Variants in SYT1 observed in about 807,000 individuals in gnomAD.
The protein encoded by SYT1 is synaptotagmin-1.
SYT1 carries 8 observed loss-of-function variants against 44.8 expected under a neutral mutation model. That is an observed-to-expected ratio of 0.18 (90% CI 0.10 to 0.32). The LOEUF is 0.32. Ranked by LOEUF, SYT1 falls within the 10% of genes least tolerant of loss-of-function variation. SYT1 has a pLI of 1.00. For missense variants in SYT1, 286 were observed against 509.3 expected (o/e 0.56, Z 4.22); for synonymous variants, 154 against 188.8 (o/e 0.82, Z 1.51).
At chr12:79,241,772 C>A (rs568075731) in intron 4 of SYT1, among the ~76,000 whole-genome samples, 12 of 152,278 alleles carry the variant, frequency 7.9e-5, no homozygotes, top group East Asian at 5.8e-4. Flanking sequence ...CAAGTCCTAA[C>A]CCTTGGTACC....
chr12:79,040,182 C>T (rs1020795027), intron 2 of SYT1, among the ~76,000 whole-genome samples: 8 of 151,728 alleles, frequency 5.3e-5, no homozygotes, highest in African/African-American at 1.7e-4. Flanking sequence ...GTTCCAGATC[C>T]CTGAGGAATC....
intron 3 of SYT1, among the ~76,000 whole-genome samples, chr12:79,137,439 A>G (rs567864167): frequency 6.6e-6 from 1 of 152,238 alleles, no homozygotes; most frequent in South Asian, 2.1e-4. Flanking sequence ...TATCTCATTA[A>G]TACTCACAAC....
intron 4 of SYT1, among the ~76,000 whole-genome samples, chr12:79,221,926 T>C (rs961818987): frequency 6.6e-6 from 1 of 152,160 alleles, no homozygotes; most frequent in Non-Finnish European, 1.5e-5. Context: ...GTGTTAATCA[T>C]TAGCAACTTT....
intron 3 of SYT1, among the ~76,000 whole-genome samples, chr12:79,195,798 G>A (rs1873417197): frequency 6.6e-6 from 1 of 152,150 alleles, no homozygotes; most frequent in Non-Finnish European, 1.5e-5. Context: ...AAGAAAGTAT[G>A]ACAATCAAAT....
At chr12:79,123,283 C>A (rs1420488600) in intron 3 of SYT1, among the ~76,000 whole-genome samples, 2 of 146,034 alleles carry the variant, frequency 1.4e-5, no homozygotes, top group Non-Finnish European at 3.0e-5. Flanking sequence ...CGGTAACACT[C>A]TGTTACATGT....
chr12:79,055,828 A>G (rs1874890976), intron 3 of SYT1, among the ~76,000 whole-genome samples: 1 of 151,956 alleles, frequency 6.6e-6, no homozygotes, highest in South Asian at 2.1e-4. Context: ...TTTTCTTTCA[A>G]ATTTATTTAT....
At chr12:79,030,518 AT>A (rs1872766990) in intron 2 of SYT1, among the ~76,000 whole-genome samples, 1 of 151,010 alleles carries the variant, frequency 6.6e-6, no homozygotes, top group Non-Finnish European at 1.5e-5. Context: ...TTGAGCTCTA[AT>A]TTGTATGCAT....
intron 3 of SYT1, among the ~76,000 whole-genome samples, chr12:79,057,760 T>G (rs919623827): frequency 6.6e-6 from 1 of 151,968 alleles, no homozygotes; most frequent in African/African-American, 2.4e-5. Context: ...CTGTTTCTGG[T>G]TGGGCCAGTA....
At chr12:79,353,180 G>T (rs958648624) in intron 8 of SYT1, among the ~76,000 whole-genome samples, 2 of 152,114 alleles carry the variant, frequency 1.3e-5, no homozygotes, top group Non-Finnish European at 2.9e-5. Context: ...GAGTTTTGCA[G>T]TGCTATTCAG....
rs561770147 is a variant in SYT1, at chr12:79,382,421, A to G, written c.928+28802A>G. Among the ~76,000 whole-genome samples, 83 of 152,184 alleles carry G rather than the reference A, an allele frequency of 5.5e-4. 1 individual carries two copies. The highest frequency in any genetic ancestry group is 2.0e-3 in the African/African-American group (81 of 41,514). Reference sequence around the variant, plus strand: ...GGAATTTATATTCAAAAATACACAAACACATGCACTCTTCTCCCTTCTCCC... The same window carrying G: ...GGAATTTATATTCAAAAATACACAAGCACATGCACTCTTCTCCCTTCTCCC... On this transcript the variant is annotated intron_variant, in intron 9 of 10. Transcript: ENST00000261205.
At chr12:79,215,918 CTTTTTTTTTTTTTTTT>C (rs71091653) in intron 3 of SYT1, among the ~76,000 whole-genome samples, 2 of 76,726 alleles carry the variant, frequency 2.6e-5, no homozygotes, top group South Asian at 5.9e-4. Context: ...GCATTTCTTT[CTTTTTTTTTTTTTTTT>C]TTTTTTTTTT....
intron 1 of SYT1, among the ~76,000 whole-genome samples, chr12:78,894,238 C>A (rs1015686705): frequency 1.3e-5 from 2 of 149,722 alleles, no homozygotes; most frequent in African/African-American, 4.9e-5. Context: ...CCTCTCTAGG[C>A]AGTTGTTACA....
chr12:79,179,513 A>C (rs529401300), intron 3 of SYT1, among the ~76,000 whole-genome samples: 1 of 97,576 alleles, frequency 1.0e-5, no homozygotes, highest in African/African-American at 4.3e-5. Flanking sequence ...ATAGATATAG[A>C]TATATCTATA....
intron 4 of SYT1, among the ~76,000 whole-genome samples, chr12:79,236,898 G>A (rs1482079797): frequency 6.6e-6 from 1 of 152,198 alleles, no homozygotes; most frequent in African/African-American, 2.4e-5. Flanking sequence ...GGTTAGAGAG[G>A]TCCATCAATA....
chr12:79,124,386 GA>G (rs1288991369), intron 3 of SYT1, among the ~76,000 whole-genome samples: 1 of 152,092 alleles, frequency 6.6e-6, no homozygotes, highest in African/African-American at 2.4e-5. Flanking sequence ...TATCCTATCT[GA>G]AAAGGGACTA....
intron 3 of SYT1, among the ~76,000 whole-genome samples, chr12:79,070,391 T>G (rs1876181717): frequency 6.6e-6 from 1 of 152,082 alleles, no homozygotes; most frequent in African/African-American, 2.4e-5. Context: ...CAGATTATGG[T>G]TTTCAGGCTC....
At chr12:79,415,842 T>C (rs1239647505) in intron 9 of SYT1, among the ~76,000 whole-genome samples, 1 of 152,192 alleles carries the variant, frequency 6.6e-6, no homozygotes, top group Non-Finnish European at 1.5e-5. Context: ...CTTAAGGCTT[T>C]CCTTGTAGAA....
intron 1 of SYT1, among the ~76,000 whole-genome samples, chr12:78,948,746 C>G (rs961834965): frequency 6.6e-6 from 1 of 151,746 alleles, no homozygotes; most frequent in East Asian, 1.9e-4. Context: ...AAACTGAACA[C>G]GTTAGCATTT....
chr12:79,031,360 T>A (rs536946778), intron 2 of SYT1, among the ~76,000 whole-genome samples: 28 of 151,216 alleles, frequency 1.9e-4, no homozygotes, highest in African/African-American at 6.8e-4. Flanking sequence ...TTGTAGTAGA[T>A]TGTGCCTAAT....
Sources: allele counts gnomAD v4.1 joint callset (sites outside exome capture counted in the v4.1 genomes callset), GRCh38; gene constraint gnomAD v4.1.1; transcripts MANE v1.5; gene names NCBI Gene and HGNC (gene_info 2026-07-23, HGNC 2026-07-21).